The following ZBTB20 variants were observed in gnomAD, a reference collection of about 807,000 sequenced individuals.
ZBTB20 encodes zinc finger and BTB domain containing 20, also known as zinc finger and BTB domain-containing protein 20.
ZBTB20 carries 9 observed loss-of-function variants against 56.9 expected under a neutral mutation model. That is an observed-to-expected ratio of 0.16 (90% CI 0.10 to 0.28). The LOEUF (loss-of-function observed/expected upper bound fraction) is 0.28. ZBTB20 is among the 10% of genes least tolerant of loss of function. The pLI is 1.00. For synonymous variants in ZBTB20, 417 were observed against 420.7 expected (o/e 0.99, Z 0.11); for missense variants, 655 against 1,003.0 (o/e 0.65, Z 4.69).
At chr3:114,990,312 AG>A (rs1378482632) in intron 2 of ZBTB20, among the ~76,000 whole-genome samples, 11 of 152,108 alleles carry the variant, frequency 7.2e-5, no homozygotes, top group African/African-American at 1.4e-4. Flanking sequence ...TTTAGCATGA[AG>A]GGTTGTTGAA....
At chr3:114,830,803 G>A (rs912949280) in intron 4 of ZBTB20, among the ~76,000 whole-genome samples, 23 of 152,026 alleles carry the variant, frequency 1.5e-4, no homozygotes, top group African/African-American at 4.8e-5. Flanking sequence ...ATTTAATGAC[G>A]TCTCTTACCT....
chr3:114,467,709 T>A (rs1421080998), intron 7 of ZBTB20, among the ~76,000 whole-genome samples: 1 of 152,232 alleles, frequency 6.6e-6, no homozygotes, highest in African/African-American at 2.4e-5. Flanking sequence ...CAAAACTATA[T>A]CTGGAAGTTT....
At chr3:114,392,781 G>C (rs1202992924) in intron 7 of ZBTB20, among the ~76,000 whole-genome samples, 2 of 152,100 alleles carry the variant, frequency 1.3e-5, no homozygotes, top group African/African-American at 4.8e-5. Context: ...TTCTCTTGTA[G>C]TAGAGGAAAC....
At chr3:114,804,968 G>T (rs937763604) in intron 4 of ZBTB20, among the ~76,000 whole-genome samples, 1 of 151,684 alleles carries the variant, frequency 6.6e-6, no homozygotes, top group Non-Finnish European at 1.5e-5. Flanking sequence ...TTTGAATCAG[G>T]ATCTAAATAA....
intron 7 of ZBTB20, among the ~76,000 whole-genome samples, chr3:114,406,616 CTTTAT>C (rs748045884): frequency 1.3e-5 from 2 of 151,696 alleles, no homozygotes; most frequent in Non-Finnish European, 2.9e-5. Flanking sequence ...AAAAGAACAT[CTTTAT>C]TTTAAGAGAC....
chr3:115,060,940 G>A (rs1439789825), intron 2 of ZBTB20, among the ~76,000 whole-genome samples: 8 of 151,982 alleles, frequency 5.3e-5, no homozygotes, highest in South Asian at 2.1e-4. Flanking sequence ...AACTCTGTAG[G>A]TTAGAGAATT....
intron 11 of ZBTB20, among the ~76,000 whole-genome samples, chr3:114,344,123 T>C (rs1037533187): frequency 6.6e-6 from 1 of 152,194 alleles, no homozygotes; most frequent in Non-Finnish European, 1.5e-5. Context: ...GTTCATTCCC[T>C]GGGATGTGAT....
intron 5 of ZBTB20, among the ~76,000 whole-genome samples, chr3:114,718,666 A>G (rs1218995171): frequency 6.6e-6 from 1 of 152,122 alleles, no homozygotes; most frequent in Non-Finnish European, 1.5e-5. Flanking sequence ...ATGTGATAAT[A>G]AAAATAACAT....
At chr3:114,559,938 T>G (rs1348382490) in intron 6 of ZBTB20, among the ~76,000 whole-genome samples, 1 of 152,208 alleles carries the variant, frequency 6.6e-6, no homozygotes, top group African/African-American at 2.4e-5. Context: ...GGGATGTTAT[T>G]GTAGCTGTGA....
chr3:114,928,374 T>C (rs1259644277), intron 3 of ZBTB20, among the ~76,000 whole-genome samples: 5 of 145,852 alleles, frequency 3.4e-5, no homozygotes, highest in Middle Eastern at 3.7e-3. Context: ...TCTTCAATGA[T>C]GGAGAACCTC....
chr3:114,935,881 C>T (rs906020461), intron 3 of ZBTB20, among the ~76,000 whole-genome samples: 1 of 152,140 alleles, frequency 6.6e-6, no homozygotes, highest in African/African-American at 2.4e-5. Flanking sequence ...ACACAGAGTA[C>T]TCTTCTACAC....
intron 4 of ZBTB20, among the ~76,000 whole-genome samples, chr3:114,814,770 A>G (rs1387614532): frequency 2.0e-5 from 3 of 152,186 alleles, no homozygotes; most frequent in Non-Finnish European, 4.4e-5. Context: ...GACACAACTG[A>G]TTATATAGTT....
At chr3:115,033,233 T>C (rs745574842) in intron 2 of ZBTB20, among the ~76,000 whole-genome samples, 3 of 151,336 alleles carry the variant, frequency 2.0e-5, no homozygotes, top group African/African-American at 7.3e-5. Context: ...CGATGAGCAA[T>C]TGCTAGGCCA....
intron 4 of ZBTB20, among the ~76,000 whole-genome samples, chr3:114,812,144 G>A (rs1156296188): frequency 6.6e-6 from 1 of 152,178 alleles, no homozygotes; most frequent in Non-Finnish European, 1.5e-5. Context: ...AGCTTCCACA[G>A]TGTGGAAGTG....
chr3:114,712,552 C>G (rs906460172), intron 5 of ZBTB20, among the ~76,000 whole-genome samples: 5 of 151,118 alleles, frequency 3.3e-5, no homozygotes, highest in African/African-American at 1.2e-4. Flanking sequence ...ACTCGGGAAG[C>G]TGAGGCAGGA....
intron 6 of ZBTB20, among the ~76,000 whole-genome samples, chr3:114,588,297 C>G (rs2055390196): frequency 6.6e-6 from 1 of 152,224 alleles, no homozygotes; most frequent in Non-Finnish European, 1.5e-5. Context: ...TCGTATGTAA[C>G]TCAGAGCTAT....
At chr3:115,037,287 G>T (rs1372016050) in intron 2 of ZBTB20, among the ~76,000 whole-genome samples, 1 of 151,920 alleles carries the variant, frequency 6.6e-6, no homozygotes, top group African/African-American at 2.4e-5. Flanking sequence ...TTTGGGGGGG[G>T]CGGAGTGAGG....
intron 3 of ZBTB20, among the ~76,000 whole-genome samples, chr3:114,902,681 G>C (rs2075168222): frequency 6.6e-6 from 1 of 152,118 alleles, no homozygotes. Flanking sequence ...GATTAAGTAT[G>C]AAGGAATAGT....
chr3:114,730,314 G>A (rs112720856), intron 5 of ZBTB20, among the ~76,000 whole-genome samples: 9 of 152,218 alleles, frequency 5.9e-5, no homozygotes, highest in African/African-American at 2.2e-4. Flanking sequence ...GGAACACTAG[G>A]CATAAATGGG....
Sources: gnomAD v4.1 joint callset for allele counts (sites outside exome capture counted in the v4.1 genomes callset) on GRCh38, gnomAD v4.1.1 for gene constraint, MANE v1.5 for transcripts, NCBI Gene and HGNC (gene_info 2026-07-23, HGNC 2026-07-21) for gene names.